AOPEP: variants seen among roughly 807,000 people sequenced by gnomAD.
AOPEP encodes the protein aminopeptidase O.
Under a neutral mutation model 98.1 loss-of-function variants are expected in AOPEP, and 77 were observed. The ratio of observed to expected loss-of-function variants is 0.78; its 90% CI spans 0.65 to 0.95. The LOEUF is 0.95. AOPEP is among the 40% of genes least tolerant of loss of function. AOPEP has a pLI of 0.00. For missense variants in AOPEP, 1,024 were observed against 1,024.7 expected (o/e 1.00, Z 0.01); for synonymous variants, 346 against 365.3 (o/e 0.95, Z 0.60).
At chr9:94,862,975 C>T (rs1281217723) in intron 5 of AOPEP, among the ~76,000 whole-genome samples, 2 of 152,188 alleles carry the variant, frequency 1.3e-5, no homozygotes, top group Non-Finnish European at 1.5e-5. Flanking sequence ...TTTAAAAAGA[C>T]ACACATAAAG....
intron 11 of AOPEP, among the ~76,000 whole-genome samples, chr9:94,994,937 T>G (rs961613319): frequency 3.9e-5 from 6 of 151,972 alleles, no homozygotes; most frequent in Admixed American, 6.6e-5. Context: ...GGCAACAGAG[T>G]GAAACTCCAT....
chr9:95,109,345 G>T, the AOPEP span, among the ~76,000 whole-genome samples: 1 of 152,112 alleles, frequency 6.6e-6, no homozygotes, highest in Non-Finnish European at 1.5e-5. Context: ...ACAATGCTGT[G>T]CTGAATATTC....
intron 7 of AOPEP, among the ~76,000 whole-genome samples, chr9:94,949,847 C>T (rs1172984615): frequency 2.6e-5 from 4 of 152,224 alleles, no homozygotes; most frequent in Non-Finnish European, 4.4e-5. Flanking sequence ...GAGGTGTCTT[C>T]GTGGAGCGGT....
intron 2 of AOPEP, among the ~76,000 whole-genome samples, chr9:94,765,573 G>A (rs1751433): frequency 0.95 from 143,912 of 151,058 alleles, 68,633 homozygotes; most frequent in East Asian, 1. Context: ...CTGCACTCCA[G>A]CCTGGGCGAC....
At chr9:95,014,303 G>GAA (rs997841535) in intron 13 of AOPEP, among the ~76,000 whole-genome samples, 2 of 147,544 alleles carry the variant, frequency 1.4e-5, no homozygotes, top group Non-Finnish European at 3.0e-5. Flanking sequence ...CCCATCTCTA[G>GAA]AAAAAAAAAA....
the AOPEP span, among the ~76,000 whole-genome samples, chr9:95,112,652 C>G: frequency 6.6e-6 from 1 of 152,198 alleles, no homozygotes; most frequent in Middle Eastern, 3.2e-3. Context: ...TCAGGGTAGA[C>G]AGATGCACAG....
the AOPEP span, among the ~76,000 whole-genome samples, chr9:95,096,863 A>C: frequency 6.6e-6 from 1 of 151,928 alleles, no homozygotes; most frequent in Admixed American, 6.5e-5. Context: ...TGAATGTTGG[A>C]ATCAGGTTGT....
At chr9:95,008,145 T>TG (rs2062178893) in intron 13 of AOPEP, among the ~76,000 whole-genome samples, 1 of 152,222 alleles carries the variant, frequency 6.6e-6, no homozygotes, top group Admixed American at 6.5e-5. Flanking sequence ...ATGTAGCCAT[T>TG]GCTTTTGATT....
intron 5 of AOPEP, among the ~76,000 whole-genome samples, chr9:94,908,937 A>G (rs906067556): frequency 1.3e-5 from 2 of 152,196 alleles, no homozygotes; most frequent in African/African-American, 4.8e-5. Flanking sequence ...TAACTTTGTC[A>G]TTTCTCCTAG....
chr9:95,139,906 A>G, the AOPEP span, among the ~76,000 whole-genome samples: 1 of 149,744 alleles, frequency 6.7e-6, no homozygotes, highest in Admixed American at 6.7e-5. Flanking sequence ...TAAAGTAAAA[A>G]AGAAAAAAAT....
chr9:94,744,264 C>G (rs191911822), intron 1 of AOPEP, among the ~76,000 whole-genome samples: 3 of 151,946 alleles, frequency 2.0e-5, no homozygotes, highest in Admixed American at 2.0e-4. Context: ...TGGTGGCAGG[C>G]GCCTGTAGTC....
In AOPEP at chr9:94,806,700, A is replaced by G. The variant is rs189978509; in HGVS notation, c.1364+5698A>G. Among the ~76,000 whole-genome samples, 1,374 of 151,998 alleles carry G rather than the reference A, an allele frequency of 9.0e-3. 14 individuals carry two copies. Among genetic ancestry groups the G allele is most frequent in the Non-Finnish European group, 0.012 (782 of 67,960 alleles). On this transcript the variant is annotated intron_variant, in intron 5 of 16. Coordinates refer to ENST00000375315, the MANE Select transcript of AOPEP (RefSeq NM_001193329.3). ...CCTTCTAATGTGTTCTGGTTCTTTCATTTTTGTGTTCCTGAAATAGTAACT... is the reference window on the plus strand; with the variant it reads ...CCTTCTAATGTGTTCTGGTTCTTTCGTTTTTGTGTTCCTGAAATAGTAACT...
chr9:95,072,457 A>AT (rs1251759297), intron 14 of AOPEP, among the ~76,000 whole-genome samples: 1 of 151,872 alleles, frequency 6.6e-6, no homozygotes, highest in Non-Finnish European at 1.5e-5. Flanking sequence ...GAGTTTTTGT[A>AT]TTTTTTATAG....
At chr9:95,004,360 GGGGTCCACGGCAGTCTGAGGGCTGC>G (rs1303925648) in intron 11 of AOPEP, 28 of 449,086 alleles carry the variant, frequency 6.2e-5, no homozygotes, top group African/African-American at 1.4e-4. Context: ...AGTGGTTCTG[GGGGTCCACGGCAGTCTGAGGGCTGC>G]GGGTCCACAC....
chr9:94,773,244 C>G, intron 3 of AOPEP, 76 bp downstream of exon 3: 1 of 1,335,968 alleles, frequency 7.5e-7, no homozygotes, highest in East Asian at 2.4e-5. Context: ...CAGTATTTTT[C>G]TAAACTTTAA....
chr9:95,056,658 A>G (rs575457802), intron 13 of AOPEP: 1 of 152,328 alleles, frequency 6.6e-6, no homozygotes, highest in South Asian at 2.1e-4. Flanking sequence ...AGGAGCATGC[A>G]TAAAAACTCT....
rs564546966 is a variant in AOPEP, at chr9:95,053,686, A to G, written c.2116-7008A>G. 2.0e-5 allele frequency among the ~76,000 whole-genome samples: 3 copies of G among 146,534 alleles called. No homozygotes were observed. The South Asian group carries it at 6.8e-4, about 33-fold the overall frequency. On this transcript the variant is annotated intron_variant, in intron 13 of 16. Transcript: ENST00000375315. Reference sequence around the variant, plus strand: ...ATATTACGTACACTGTTATTAATTTAGGTAAGAGCATTAATTCATTTTTGT... The same window carrying G: ...ATATTACGTACACTGTTATTAATTTGGGTAAGAGCATTAATTCATTTTTGT...
At chr9:94,917,425 G>T (rs959230032) in intron 5 of AOPEP, among the ~76,000 whole-genome samples, 2 of 152,034 alleles carry the variant, frequency 1.3e-5, no homozygotes, top group South Asian at 2.1e-4. Context: ...CTCCCCTTCC[G>T]CCCTCATGCC....
chr9:94,797,839 A>C (rs1847356579), intron 4 of AOPEP, among the ~76,000 whole-genome samples: 1 of 151,450 alleles, frequency 6.6e-6, no homozygotes, highest in African/African-American at 2.4e-5. Context: ...AGTAGCTGGG[A>C]TTACAGGCAT....
Sources: allele counts gnomAD v4.1 joint callset (sites outside exome capture counted in the v4.1 genomes callset), GRCh38; gene constraint gnomAD v4.1.1; transcripts MANE v1.5; gene names NCBI Gene and HGNC (gene_info 2026-07-23, HGNC 2026-07-21).